The following NPTN variants were observed in gnomAD, a reference collection of about 807,000 sequenced individuals.
NPTN encodes the protein neuroplastin.
NPTN carries 5 observed loss-of-function variants against 42.7 expected under a neutral mutation model. The ratio of observed to expected loss-of-function variants is 0.12; its 90% CI spans 0.06 to 0.25. The LOEUF (loss-of-function observed/expected upper bound fraction) is 0.25. Ranked by LOEUF, NPTN falls within the 10% of genes least tolerant of loss-of-function variation. The pLI, the probability that NPTN is intolerant of heterozygous loss-of-function variation, is 1.00. For missense variants in NPTN, 307 were observed against 525.4 expected (o/e 0.58, Z 4.06); for synonymous variants, 180 against 201.9 (o/e 0.89, Z 0.92).
At chr15:73,592,180 T>A in intron 2 of NPTN, 43 bp from the exon 3 acceptor site, 1 of 1,571,880 alleles carries the variant, frequency 6.4e-7, no homozygotes, top group Non-Finnish European at 8.7e-7. Context: ...TAGCCTTCCA[T>A]CCTCTGTAGC....
chr15:73,589,741 CGAG>C lies in NPTN; in HGVS notation c.612-2126_612-2124del, dbSNP rs554036800. ...GAAACACAGGTTAAGAGACTATGGA[CGAG>C]GAGAGACATAGCCTATCCCCAGAGC... On this transcript the variant is annotated intron_variant, in intron 3 of 8. Coordinates refer to ENST00000345330, the MANE Select transcript of NPTN (RefSeq NM_012428.4). Among the ~76,000 whole-genome samples, 413 of 152,128 alleles carry C rather than the reference CGAG, an allele frequency of 2.7e-3. 2 individuals are homozygous for C. Among genetic ancestry groups the C allele is most frequent in the African/African-American group, 9.4e-3 (389 of 41,514 alleles).
intron 3 of NPTN, among the ~76,000 whole-genome samples, chr15:73,588,295 CA>C (rs1414961429): frequency 6.6e-6 from 1 of 152,080 alleles, no homozygotes; most frequent in Non-Finnish European, 1.5e-5. Context: ...AACAAACAAA[CA>C]AAAACAAACA....
rs549983480 is a variant in NPTN, at chr15:73,570,292, G to A, written c.972C>T (p.Ser324=). The A allele has an allele frequency of 7.5e-5, 121 of 1,614,234 alleles. 2 individuals are homozygous for A. The highest frequency in any genetic ancestry group is 7.2e-4 in the South Asian group (66 of 91,086). ...YECNATNAIG[S]ASVVTVLRVR... ...CCCTGAGGACAGTGACAACAGAGGC[G>A]GAGCCAATGGCGTTGGTGGCATTAC... The change falls in exon 6 of 9, where the codon TCC becomes TCT. Residue 324 remains serine, a synonymous_variant. Transcript: ENST00000345330. This position sits in a 1 kb window ranked among gnomAD's most constrained non-coding sequence, Gnocchi z 4.0.
At chr15:73,617,424 T>A (rs1433364277) in intron 1 of NPTN, among the ~76,000 whole-genome samples, 1 of 152,246 alleles carries the variant, frequency 6.6e-6, no homozygotes, top group African/African-American at 2.4e-5. Context: ...CACTATCCAA[T>A]GCAGGAGGAT....
intron 5 of NPTN, among the ~76,000 whole-genome samples, chr15:73,572,793 C>A (rs1358516203): frequency 6.6e-6 from 1 of 152,170 alleles, no homozygotes; most frequent in Non-Finnish European, 1.5e-5. Context: ...AGTGTCCTAT[C>A]CTGAAGGCAA....
At chr15:73,603,050 A>G (rs2141420272) in intron 1 of NPTN, among the ~76,000 whole-genome samples, 1 of 152,336 alleles carries the variant, frequency 6.6e-6, no homozygotes, top group South Asian at 2.1e-4. Flanking sequence ...AGCAAACTCT[A>G]AAATCAGTTG....
intron 2 of NPTN, among the ~76,000 whole-genome samples, chr15:73,593,653 C>A (rs1386511703): frequency 6.6e-6 from 1 of 152,200 alleles, no homozygotes; most frequent in Admixed American, 6.5e-5. Flanking sequence ...ACCTCCTAAC[C>A]GATGTAACAT....
chr15:73,622,022 G>T (rs7176452), intron 1 of NPTN, among the ~76,000 whole-genome samples: 16,486 of 151,996 alleles, frequency 0.11, 1,158 homozygotes, highest in African/African-American at 0.2. Context: ...TGAAATTTAG[G>T]TATAAAGTAA....
chr15:73,604,408 G>A (rs1262558998), intron 1 of NPTN, among the ~76,000 whole-genome samples: 1 of 152,106 alleles, frequency 6.6e-6, no homozygotes, highest in Non-Finnish European at 1.5e-5. Context: ...GCATGCTGGG[G>A]TCACAACATT....
intron 3 of NPTN, chr15:73,591,669 T>C (rs1359988958): frequency 4.9e-6 from 1 of 203,352 alleles, no homozygotes; most frequent in African/African-American, 2.3e-5. Context: ...ATTCTAAGTG[T>C]GACTCTCCTA....
chr15:73,608,751 T>C (rs1383029884), intron 1 of NPTN, among the ~76,000 whole-genome samples: 1 of 152,006 alleles, frequency 6.6e-6, no homozygotes, highest in Non-Finnish European at 1.5e-5. Context: ...AAATGAAAAA[T>C]AGTCTGAACT....
In NPTN at chr15:73,633,244, T is replaced by G; in HGVS notation, c.-29A>C. The G allele has an allele frequency of 2.0e-6, 2 of 1,005,566 alleles. No individual in the cohort carries two copies. Among genetic ancestry groups the G allele is most frequent in the Non-Finnish European group, 2.7e-6 (2 of 740,172 alleles). 62.3% of individuals were successfully genotyped at this position (1,005,566 alleles called of 1,614,324 possible). A position where few individuals can be genotyped will look rare whatever the true frequency, so the allele number is the denominator to read the frequency against. ...CCCTAGCAGAAGACCCAACAGCGAA[T>G]GGGCCGGGGCCAGAGCCGGGGCCGG... On this transcript the variant is annotated 5_prime_UTR_variant, in exon 1 of 9. Coordinates refer to ENST00000345330, the MANE Select transcript of NPTN (RefSeq NM_012428.4).
intron 1 of NPTN, chr15:73,632,859 C>T (rs1898831832): frequency 2.7e-6 from 1 of 366,402 alleles, no homozygotes; most frequent in Non-Finnish European, 4.9e-6. Context: ...CGACCCGGCA[C>T]GACGAGCCCC....
chr15:73,623,506 G>A (rs750622618), intron 1 of NPTN, among the ~76,000 whole-genome samples: 9 of 152,092 alleles, frequency 5.9e-5, no homozygotes, highest in African/African-American at 2.2e-4. Context: ...GGGCAACATA[G>A]GGAGACCTCA....
intron 1 of NPTN, among the ~76,000 whole-genome samples, chr15:73,614,677 T>G (rs765325052): frequency 6.6e-6 from 1 of 152,170 alleles, no homozygotes; most frequent in African/African-American, 2.4e-5. Context: ...AGGAATAAGA[T>G]TCTTATTAAT....
Position 73,569,681 on chromosome 15 carries a change from C to T in NPTN, c.1114+469G>A, listed in dbSNP as rs1026709149. On this transcript the variant is annotated intron_variant, in intron 6 of 8. Coordinates refer to ENST00000345330, the MANE Select transcript of NPTN (RefSeq NM_012428.4). This position sits in a 1 kb window ranked among gnomAD's most constrained non-coding sequence, Gnocchi z 4.1. ...CTGGGGCAGTTACCTACAGGGGCTA[C>T]ACCAGGCAACCATGTGACAACCAGT... 1.1e-5 allele frequency: 11 copies of T among 985,346 alleles called. No homozygotes were observed. The South Asian group carries it at 5.2e-4, about 46-fold the overall frequency. The allele number at this position is 985,346 out of a possible 1,614,324, so 61.0% of individuals were successfully genotyped here.
chr15:73,630,965 CCAG>C (rs1898706848), intron 1 of NPTN, among the ~76,000 whole-genome samples: 1 of 152,208 alleles, frequency 6.6e-6, no homozygotes, highest in African/African-American at 2.4e-5. Context: ...TTTGGGTCAA[CCAG>C]CAGCTCAGCT....
chr15:73,628,828 G>C (rs1259910184), intron 1 of NPTN, among the ~76,000 whole-genome samples: 1 of 151,868 alleles, frequency 6.6e-6, no homozygotes, highest in Non-Finnish European at 1.5e-5. Context: ...TTTTATTAAT[G>C]TCTAAAGGCA....
rs1896900839 is a variant in NPTN, at chr15:73,597,910, A to G, written c.92-541T>C. 6.6e-6 allele frequency among the ~76,000 whole-genome samples: 1 copy of G among 152,218 alleles called. No homozygotes were observed. The highest frequency in any genetic ancestry group is 6.5e-5 in the Admixed American group (1 of 15,286). The stretch of plus-strand genomic sequence containing the variant: ...CTACTGGTGCCTTCTCTTGGGATTC[A>G]GAGTTCAAATTTCAACTGAAAGAGT... On this transcript the variant is annotated intron_variant, in intron 1 of 8. Transcript: ENST00000345330. The surrounding 1 kb of genome is among the most constrained non-coding windows in gnomAD (Gnocchi z 6.3).
Sources: allele counts gnomAD v4.1 joint callset (sites outside exome capture counted in the v4.1 genomes callset), GRCh38; gene constraint gnomAD v4.1.1; non-coding constraint Gnocchi (gnomAD v3.1); transcripts MANE v1.5; gene names NCBI Gene and HGNC (gene_info 2026-07-23, HGNC 2026-07-21).